Variants in CSMD1 observed in about 807,000 individuals in gnomAD.
CSMD1 encodes the protein CUB and Sushi multiple domains 1.
A neutral mutation model predicts 417.5 loss-of-function variants in CSMD1; 213 were observed. The ratio of observed to expected loss-of-function variants is 0.51; its 90% CI spans 0.46 to 0.57. The LOEUF is 0.57. Ranked by LOEUF, CSMD1 falls within the 20% of genes least tolerant of loss-of-function variation. The probability of loss-of-function intolerance (pLI) is 0.00; values close to 1 mark genes in which losing one functional copy is unlikely to be tolerated. For synonymous variants in CSMD1, 2,862 were observed against 1,736.8 expected (o/e 1.65, Z -16.11); for missense variants, 6,923 against 4,529.7 (o/e 1.53, Z -15.17).
intron 11 of CSMD1, among the ~76,000 whole-genome samples, chr8:3,485,226 A>C (rs900684501): frequency 8.5e-5 from 13 of 152,290 alleles, no homozygotes; most frequent in Admixed American, 3.9e-4. Context: ...GCCAGCAAAA[A>C]ACGGGAGGAA....
chr8:4,044,077 C>T (rs1367514211), intron 3 of CSMD1, among the ~76,000 whole-genome samples: 2 of 151,850 alleles, frequency 1.3e-5, no homozygotes, highest in African/African-American at 4.8e-5. Context: ...CTTTTCTTGC[C>T]CATTGCTTGT....
intron 20 of CSMD1, among the ~76,000 whole-genome samples, chr8:3,363,586 G>C (rs965620088): frequency 6.6e-6 from 1 of 151,940 alleles, no homozygotes; most frequent in Non-Finnish European, 1.5e-5. Flanking sequence ...GGAGTGCAGT[G>C]GCGCGATCTC....
chr8:3,540,833 T>C (rs912280707), intron 10 of CSMD1, among the ~76,000 whole-genome samples: 4 of 152,094 alleles, frequency 2.6e-5, no homozygotes, highest in African/African-American at 9.7e-5. Context: ...CACAATGAGA[T>C]CATTTCATGC....
At chr8:3,434,417 T>C (rs1189081291) in intron 12 of CSMD1, among the ~76,000 whole-genome samples, 2 of 152,224 alleles carry the variant, frequency 1.3e-5, no homozygotes, top group African/African-American at 2.4e-5. Flanking sequence ...TTCCAGTTAA[T>C]TCAATATTTG....
chr8:3,541,706 TTTTC>T (rs1196596043), intron 10 of CSMD1, among the ~76,000 whole-genome samples: 8 of 149,260 alleles, frequency 5.4e-5, no homozygotes, highest in South Asian at 4.2e-4. Flanking sequence ...GAAAATTCAT[TTTTC>T]TTTATCAACA....
intron 2 of CSMD1, among the ~76,000 whole-genome samples, chr8:4,455,382 T>G (rs558842052): frequency 7.2e-5 from 11 of 152,188 alleles, no homozygotes; most frequent in African/African-American, 2.6e-4. Context: ...GGTCATCAAC[T>G]CAGTACATTT....
At chr8:3,606,531 G>T (rs1376660924) in intron 8 of CSMD1, among the ~76,000 whole-genome samples, 5 of 152,192 alleles carry the variant, frequency 3.3e-5, no homozygotes, top group African/African-American at 7.2e-5. Flanking sequence ...GAGCTGGCAG[G>T]GTGGAAGTTG....
At chr8:3,087,349 C>G (rs1405697996) in intron 48 of CSMD1, 64 bp from the exon 49 acceptor site, 2 of 1,501,590 alleles carry the variant, frequency 1.3e-6, no homozygotes, top group Non-Finnish European at 1.8e-6. Flanking sequence ...GTGCCATTGC[C>G]TTTGTGAGAG....
intron 3 of CSMD1, among the ~76,000 whole-genome samples, chr8:4,035,498 C>A (rs1191603343): frequency 7.1e-6 from 1 of 141,600 alleles, no homozygotes; most frequent in Non-Finnish European, 1.5e-5. Context: ...CCATACCTGT[C>A]CTTGCCCCGA....
Position 4,208,236 on chromosome 8 carries a change from C to T in CSMD1, c.416-176137G>A, listed in dbSNP as rs542484044. Among the ~76,000 whole-genome samples, 9 of 152,216 alleles carry T rather than the reference C, an allele frequency of 5.9e-5. No individual in the cohort carries two copies. The South Asian group carries it at 8.3e-4, about 14-fold the overall frequency. On this transcript the variant is annotated intron_variant, in intron 3 of 69. Transcript: ENST00000635120. Reference sequence around the variant, plus strand: ...TTCTTCTTGCTTTGAAAGGTAACTGCTCCTGTTATAATTGCCTTCTCGGTC... The same window carrying T: ...TTCTTCTTGCTTTGAAAGGTAACTGTTCCTGTTATAATTGCCTTCTCGGTC...
chr8:3,380,327 G>C (rs1020245889), intron 18 of CSMD1, among the ~76,000 whole-genome samples: 1 of 152,194 alleles, frequency 6.6e-6, no homozygotes, highest in Non-Finnish European at 1.5e-5. Context: ...GGAAGACAGT[G>C]TGGTGATTCC....
At chr8:2,968,160 T>A (rs1261523778) in intron 57 of CSMD1, among the ~76,000 whole-genome samples, 1 of 152,234 alleles carries the variant, frequency 6.6e-6, no homozygotes, top group African/African-American at 2.4e-5. Context: ...AATTTCATTT[T>A]GCAATAATTA....
chr8:3,913,661 G>A (rs1036370904), intron 5 of CSMD1, among the ~76,000 whole-genome samples: 1 of 152,306 alleles, frequency 6.6e-6, no homozygotes, highest in African/African-American at 2.4e-5. Context: ...ATTTGGGTCA[G>A]GGCCATCGAA....
At chr8:3,910,076 T>G (rs1177348349) in intron 5 of CSMD1, among the ~76,000 whole-genome samples, 1 of 152,200 alleles carries the variant, frequency 6.6e-6, no homozygotes, top group Non-Finnish European at 1.5e-5. Context: ...GACCAGCTGC[T>G]AACATGGCAT....
chr8:3,508,549 A>G (rs1796932154), intron 10 of CSMD1, among the ~76,000 whole-genome samples: 1 of 152,120 alleles, frequency 6.6e-6, no homozygotes, highest in African/African-American at 2.4e-5. Context: ...AGAAATACTA[A>G]ACACTAAGAA....
chr8:3,332,176 G>A (rs1047740073), intron 23 of CSMD1, among the ~76,000 whole-genome samples: 12 of 152,180 alleles, frequency 7.9e-5, no homozygotes, highest in East Asian at 3.9e-4. Context: ...TTAGATGCAC[G>A]GATATTATCC....
chr8:4,419,695 C>T (rs1025581348), intron 3 of CSMD1, among the ~76,000 whole-genome samples: 1 of 152,056 alleles, frequency 6.6e-6, no homozygotes, highest in African/African-American at 2.4e-5. Flanking sequence ...AAAACTTATT[C>T]GCTACAAATT....
intron 5 of CSMD1, among the ~76,000 whole-genome samples, chr8:3,805,023 T>G (rs565099803): frequency 6.6e-6 from 1 of 152,292 alleles, no homozygotes; most frequent in South Asian, 2.1e-4. Flanking sequence ...AGAGGCCTGG[T>G]TGGTCATATT....
chr8:4,000,088 AATGT>A (rs1815548225), intron 4 of CSMD1, among the ~76,000 whole-genome samples: 1 of 152,266 alleles, frequency 6.6e-6, no homozygotes, highest in African/African-American at 2.4e-5. Flanking sequence ...CCCACTACCA[AATGT>A]CTGTCCTGCC....
Sources: gnomAD v4.1 joint callset for allele counts (sites outside exome capture counted in the v4.1 genomes callset) on GRCh38, gnomAD v4.1.1 for gene constraint, MANE v1.5 for transcripts, NCBI Gene and HGNC (gene_info 2026-07-23, HGNC 2026-07-21) for gene names.